CTNNA2: variants seen among roughly 807,000 people sequenced by gnomAD.
The protein encoded by CTNNA2 is catenin alpha 2, also known as catenin alpha-2.
In CTNNA2, 42 loss-of-function variants were observed where a neutral mutation model predicts 101.0. That is an observed-to-expected ratio of 0.42 (90% confidence interval 0.32 to 0.54). CTNNA2 has a LOEUF of 0.54. Among genes scored for constraint, CTNNA2 ranks in the 20% least tolerant of loss-of-function variants. The pLI, the probability that CTNNA2 is intolerant of heterozygous loss-of-function variation, is 0.14. For synonymous variants in CTNNA2, 450 were observed against 456.4 expected (o/e 0.99, Z 0.18); for missense variants, 871 against 1,223.1 (o/e 0.71, Z 4.29).
intron 7 of CTNNA2, among the ~76,000 whole-genome samples, chr2:80,323,117 T>A (rs1285520259): frequency 6.6e-6 from 1 of 152,204 alleles, no homozygotes; most frequent in Non-Finnish European, 1.5e-5. Context: ...ACCGGCTCTG[T>A]CACTGCACAC....
At chr2:80,564,635 T>A (rs1408263754) in intron 12 of CTNNA2, among the ~76,000 whole-genome samples, 1 of 152,128 alleles carries the variant, frequency 6.6e-6, no homozygotes, top group Non-Finnish European at 1.5e-5. Context: ...AAATATACAT[T>A]TATAATTTTC....
At chr2:80,112,621 T>C (rs912726950) in intron 7 of CTNNA2, among the ~76,000 whole-genome samples, 2 of 152,212 alleles carry the variant, frequency 1.3e-5, no homozygotes, top group African/African-American at 4.8e-5. Context: ...TGCTTGATTT[T>C]GTGACCCTTT....
chr2:80,360,846 C>T (rs957953471), intron 7 of CTNNA2, among the ~76,000 whole-genome samples: 2 of 151,964 alleles, frequency 1.3e-5, no homozygotes, highest in African/African-American at 2.4e-5. Context: ...TGGAGTTTGT[C>T]GCTCTAAACC....
chr2:79,872,991 T>C (rs1321985136), intron 5 of CTNNA2, among the ~76,000 whole-genome samples: 1 of 152,252 alleles, frequency 6.6e-6, no homozygotes, highest in African/African-American at 2.4e-5. Context: ...CTAGTGGTAT[T>C]ATTTTGTCAT....
chr2:79,936,674 C>A (rs960434108), intron 7 of CTNNA2, among the ~76,000 whole-genome samples: 1 of 152,276 alleles, frequency 6.6e-6, no homozygotes, highest in East Asian at 1.9e-4. Flanking sequence ...CATCGTTCCT[C>A]ACCTTAATCC....
intron 7 of CTNNA2, among the ~76,000 whole-genome samples, chr2:80,126,118 C>T (rs757088017): frequency 6.6e-6 from 1 of 152,100 alleles, no homozygotes; most frequent in African/African-American, 2.4e-5. Context: ...TCTGCTCCTG[C>T]TTCTTTGCCT....
chr2:80,530,732 C>G (rs1422087266), intron 9 of CTNNA2, among the ~76,000 whole-genome samples: 1 of 152,126 alleles, frequency 6.6e-6, no homozygotes, highest in East Asian at 1.9e-4. Context: ...GTTTAATGAG[C>G]CTAAGACAGC....
At chr2:79,997,136 CT>C (rs1326071893) in intron 7 of CTNNA2, among the ~76,000 whole-genome samples, 1 of 152,156 alleles carries the variant, frequency 6.6e-6, no homozygotes, top group Non-Finnish European at 1.5e-5. Context: ...CCAAAACCCC[CT>C]TTTGGGTGCA....
At chr2:79,985,915 T>C (rs1213255050) in intron 7 of CTNNA2, among the ~76,000 whole-genome samples, 1 of 152,148 alleles carries the variant, frequency 6.6e-6, no homozygotes, top group Non-Finnish European at 1.5e-5. Flanking sequence ...ATATCTGTCC[T>C]TATTCCCTCT....
intron 4 of CTNNA2, among the ~76,000 whole-genome samples, chr2:79,410,632 G>T (rs1174510159): frequency 6.6e-6 from 1 of 151,798 alleles, no homozygotes; most frequent in Admixed American, 6.6e-5. Flanking sequence ...AACCAGCCTT[G>T]CATCCCAGGG....
chr2:79,294,065 A>G (rs1675903282), intron 2 of CTNNA2, among the ~76,000 whole-genome samples: 1 of 152,012 alleles, frequency 6.6e-6, no homozygotes, highest in South Asian at 2.1e-4. Flanking sequence ...AAGCAATGTA[A>G]ATTTCTCTCT....
At chr2:79,949,020 T>A (rs1189702090) in intron 7 of CTNNA2, among the ~76,000 whole-genome samples, 1 of 152,062 alleles carries the variant, frequency 6.6e-6, no homozygotes, top group African/African-American at 2.4e-5. Flanking sequence ...TAAATAAATT[T>A]AACCTGTCAG....
At chr2:80,470,893 G>A (rs555889879) in intron 9 of CTNNA2, among the ~76,000 whole-genome samples, 7 of 152,218 alleles carry the variant, frequency 4.6e-5, no homozygotes, top group Non-Finnish European at 7.3e-5. Flanking sequence ...AGCTACTCCA[G>A]TTGGGTCTCT....
intron 7 of CTNNA2, among the ~76,000 whole-genome samples, chr2:80,187,888 T>C (rs1706235119): frequency 6.6e-6 from 1 of 152,174 alleles, no homozygotes; most frequent in Non-Finnish European, 1.5e-5. Context: ...CAACCATATG[T>C]ATCTTTTTTT....
At chr2:80,515,397 T>G (rs1214036859) in intron 9 of CTNNA2, among the ~76,000 whole-genome samples, 6 of 152,200 alleles carry the variant, frequency 3.9e-5, no homozygotes. Context: ...TTCACAATCT[T>G]CTCTTTTATT....
intron 3 of CTNNA2, among the ~76,000 whole-genome samples, chr2:79,750,796 C>A (rs1671975058): frequency 6.6e-6 from 1 of 151,284 alleles, no homozygotes; most frequent in South Asian, 2.1e-4. Context: ...CACTTGAACC[C>A]AGGAGGTGGA....
At chr2:80,361,479 A>C (rs2149317619) in intron 7 of CTNNA2, among the ~76,000 whole-genome samples, 1 of 152,260 alleles carries the variant, frequency 6.6e-6, no homozygotes, top group East Asian at 1.9e-4. Context: ...TGGTTAAAGT[A>C]AATGTTCACA....
chr2:79,390,433 C>T (rs1229816239), intron 4 of CTNNA2, among the ~76,000 whole-genome samples: 1 of 152,160 alleles, frequency 6.6e-6, no homozygotes, highest in Non-Finnish European at 1.5e-5. Flanking sequence ...ATTTTCTTCT[C>T]TTTCTTCAAA....
intron 7 of CTNNA2, among the ~76,000 whole-genome samples, chr2:80,009,476 G>C (rs569633789): frequency 3.3e-5 from 5 of 152,174 alleles, no homozygotes; most frequent in Non-Finnish European, 7.3e-5. Context: ...AGACTCAACT[G>C]TGAAATGCAG....
Sources: gnomAD v4.1 joint callset for allele counts (sites outside exome capture counted in the v4.1 genomes callset) on GRCh38, gnomAD v4.1.1 for gene constraint, MANE v1.5 for transcripts, NCBI Gene and HGNC (gene_info 2026-07-23, HGNC 2026-07-21) for gene names.